The following TEX14 variants were observed in gnomAD, a reference collection of about 807,000 sequenced individuals.
TEX14 encodes the protein testis expressed 14, intercellular bridge forming factor, also known as inactive serine/threonine-protein kinase TEX14.
TEX14 carries 168 observed loss-of-function variants against 178.6 expected under a neutral mutation model. That is an observed-to-expected ratio of 0.94 (90% CI 0.83 to 1.07). TEX14 has a LOEUF of 1.07. Ranked by LOEUF, TEX14 falls within the 50% of genes least tolerant of loss-of-function variation. The pLI is 0.00. For missense variants in TEX14, 1,730 were observed against 1,753.6 expected (o/e 0.99, Z 0.24); for synonymous variants, 626 against 634.1 (o/e 0.99, Z 0.19).
chr17:58,652,500 C>T (rs79720686), intron 1 of TEX14, among the ~76,000 whole-genome samples: 3,850 of 152,210 alleles, frequency 0.025, 154 homozygotes, highest in African/African-American at 0.087. Flanking sequence ...GTTTGCTTCC[C>T]ATCTGCCATG....
chr17:58,556,825 A>T lies in TEX14; in HGVS notation c.*186T>A. The stretch of plus-strand genomic sequence containing the variant: ...ACTTTTCAGAAATCTGACTGAAAAC[A>T]AATGGTTGAATGTGCTGCTAACAGA... On this transcript the variant is annotated 3_prime_UTR_variant, in exon 32 of 32. Transcript: ENST00000349033. 4 of 499,476 alleles carry T rather than the reference A, an allele frequency of 8.0e-6. No individual in the cohort carries two copies. Among genetic ancestry groups the T allele is most frequent in the Non-Finnish European group, 1.4e-5 (4 of 278,202 alleles). The allele number at this position is 499,476 out of a possible 1,614,324, so 30.9% of individuals were successfully genotyped here.
chr17:58,639,178 A>C (rs2046512898), intron 2 of TEX14, among the ~76,000 whole-genome samples: 1 of 151,588 alleles, frequency 6.6e-6, no homozygotes, highest in Non-Finnish European at 1.5e-5. Flanking sequence ...CTATTATTCT[A>C]ATTGAAGTAA....
chr17:58,666,782 C>T (rs749764663), intron 1 of TEX14: 23 of 152,218 alleles, frequency 1.5e-4, no homozygotes, highest in Non-Finnish European at 2.9e-4. Flanking sequence ...TCTAATTGGA[C>T]TTTATCCACA....
chr17:58,580,732 G>A (rs2044792799), intron 19 of TEX14, among the ~76,000 whole-genome samples: 1 of 152,072 alleles, frequency 6.6e-6, no homozygotes. Flanking sequence ...GAGGTAGGGT[G>A]GAAAATAAGT....
chr17:58,672,996 T>C (rs2047328117), intron 1 of TEX14, among the ~76,000 whole-genome samples: 2 of 151,698 alleles, frequency 1.3e-5, no homozygotes, highest in African/African-American at 4.8e-5. Flanking sequence ...ACTCCCAAAG[T>C]GCTGGGATTA....
intron 1 of TEX14, among the ~76,000 whole-genome samples, chr17:58,655,847 C>T (rs1024475187): frequency 3.3e-5 from 5 of 152,162 alleles, no homozygotes; most frequent in Admixed American, 6.6e-5. Flanking sequence ...TTTCTGATTC[C>T]GGAAGATGTC....
chr17:58,557,242 C>G (rs561082266), intron 31 of TEX14, among the ~76,000 whole-genome samples, 195 bp from the exon 32 acceptor site: 1 of 151,976 alleles, frequency 6.6e-6, no homozygotes, highest in African/African-American at 2.4e-5. Context: ...TTGACAGCAG[C>G]ATCTTCTGTA....
chr17:58,575,263 C>A (rs556042686), intron 21 of TEX14, among the ~76,000 whole-genome samples: 2 of 151,966 alleles, frequency 1.3e-5, no homozygotes, highest in Non-Finnish European at 2.9e-5. Flanking sequence ...TACAGGCATG[C>A]GCCACCACGC....
intron 2 of TEX14, among the ~76,000 whole-genome samples, chr17:58,641,346 G>T (rs1008099982): frequency 1.3e-5 from 2 of 151,746 alleles, no homozygotes; most frequent in Non-Finnish European, 2.9e-5. Context: ...GGAGGAGGAG[G>T]TTGCGATGAG....
intron 11 of TEX14, 40 bp from the exon 12 acceptor site, chr17:58,602,630 C>T (rs2045482909): frequency 6.5e-7 from 1 of 1,539,790 alleles, no homozygotes; most frequent in South Asian, 1.2e-5. Flanking sequence ...AATTAGGAAA[C>T]CAAAGAGTGG....
chr17:58,632,314 T>C (rs2046340945), intron 2 of TEX14, among the ~76,000 whole-genome samples: 1 of 152,238 alleles, frequency 6.6e-6, no homozygotes, highest in Non-Finnish European at 1.5e-5. Context: ...ACTTAAATAT[T>C]TTGTATTTCT....
chr17:58,668,817 C>T (rs1244365679), intron 1 of TEX14, among the ~76,000 whole-genome samples: 1 of 152,142 alleles, frequency 6.6e-6, no homozygotes, highest in Non-Finnish European at 1.5e-5. Flanking sequence ...GCTCTAGTCA[C>T]CCACCCTAAC....
chr17:58,632,922 C>T (rs1433982063), intron 2 of TEX14, among the ~76,000 whole-genome samples: 1 of 152,170 alleles, frequency 6.6e-6, no homozygotes, highest in Non-Finnish European at 1.5e-5. Context: ...CCCAATCTTG[C>T]AAGACCCCTA....
At chr17:58,659,357 C>A in intron 1 of TEX14, 1 of 982,560 alleles carries the variant, frequency 1.0e-6, no homozygotes, top group Non-Finnish European at 1.2e-6. Flanking sequence ...ACACAACATA[C>A]TCATGGCAAA....
intron 3 of TEX14, among the ~76,000 whole-genome samples, chr17:58,628,143 A>G (rs1469260360): frequency 2.0e-5 from 3 of 152,020 alleles, no homozygotes; most frequent in African/African-American, 2.4e-5. Context: ...AAGGAAACAC[A>G]ACAAAATGTT....
rs766637305 is a variant in TEX14 at position 58,599,240 on chromosome 17, GA to G, written c.2104del (p.Ser702HisfsTer15). On this transcript the variant is annotated frameshift_variant, in exon 14 of 32. Coordinates refer to ENST00000349033, the MANE Select transcript of TEX14 (RefSeq NM_031272.5). LOFTEE classifies it high-confidence loss of function. ...DWDWQNGSLS[S>X]LSLPESTREA... is the part of the protein sequence containing the mutation. ...TCTGGTTGACTCAGGAAGGCTGAGTGAACTGAGTGAACCGTTTTGCCAGTCC... is the reference window on the plus strand; with the variant it reads ...TCTGGTTGACTCAGGAAGGCTGAGTGACTGAGTGAACCGTTTTGCCAGTCC... 1.9e-6 allele frequency: 3 copies of G among 1,613,890 alleles called. No homozygotes were observed. The East Asian group carries it at 6.7e-5, about 36-fold the overall frequency.
chr17:58,681,117 T>C (rs1355101727), intron 1 of TEX14, among the ~76,000 whole-genome samples: 1 of 151,770 alleles, frequency 6.6e-6, no homozygotes, highest in Non-Finnish European at 1.5e-5. Flanking sequence ...CCCTCTCTAC[T>C]AAAAATAAAT....
Position 58,585,755 on chromosome 17 carries a change from ATACT to A in TEX14, c.3070+42_3070+45del, listed in dbSNP as rs541035877. ...CAGGCTGAGCCACCTCGCCCGACTG[ATACT>A]TGATTGAGTTCACCTATCCTGATTC... On this transcript the variant is annotated intron_variant, in intron 18 of 31. Transcript: ENST00000349033. 7.8e-4 allele frequency: 1,254 copies of A among 1,600,508 alleles called. 3 individuals carry two copies. The highest frequency in any genetic ancestry group is 8.1e-4 in the Admixed American group (48 of 59,480).
At chr17:58,585,772 C>T in intron 18 of TEX14, 29 bp downstream of exon 18, 1 of 1,611,700 alleles carries the variant, frequency 6.2e-7, no homozygotes, top group African/African-American at 1.3e-5. Context: ...ATTGAGTTCA[C>T]CTATCCTGAT....
Sources: gnomAD v4.1 joint callset for allele counts (sites outside exome capture counted in the v4.1 genomes callset) on GRCh38, gnomAD v4.1.1 for gene constraint, MANE v1.5 for transcripts, NCBI Gene and HGNC (gene_info 2026-07-23, HGNC 2026-07-21) for gene names.